The following GRIP1 variants were observed in gnomAD, a reference collection of about 807,000 sequenced individuals.
GRIP1 encodes the protein glutamate receptor interacting protein 1, also known as glutamate receptor-interacting protein 1.
In GRIP1, 45 loss-of-function variants were observed where a neutral mutation model predicts 129.9. The observed-to-expected ratio is 0.35, with a 90% CI of 0.27 to 0.44. The LOEUF (loss-of-function observed/expected upper bound fraction) is 0.44. GRIP1 is among the 20% of genes least tolerant of loss of function. The pLI is 1.00. For missense variants in GRIP1, 1,196 were observed against 1,396.8 expected (o/e 0.86, Z 2.29); for synonymous variants, 530 against 520.8 (o/e 1.02, Z -0.24).
At chr12:66,644,839 T>C in intron 1 of GRIP1, among the ~76,000 whole-genome samples, 1 of 152,228 alleles carries the variant, frequency 6.6e-6, no homozygotes, top group Middle Eastern at 3.2e-3. Context: ...CTATGGTAAA[T>C]GTTTTCATAA....
chr12:66,830,831 A>ATTTTTTTTTT (rs113993317), intron 1 of GRIP1, among the ~76,000 whole-genome samples: 1 of 139,024 alleles, frequency 7.2e-6, no homozygotes, highest in Non-Finnish European at 1.5e-5. Context: ...TGGTATCTGA[A>ATTTTTTTTTT]TTTTTTTTTT....
In GRIP1 at chr12:66,462,816, A is replaced by G. The variant is rs921124210; in HGVS notation, c.1042+108T>C. 4.5e-6 allele frequency: 3 copies of G among 661,528 alleles called. No individual in the cohort carries two copies. The African/African-American group carries it at 5.5e-5, about 12-fold the overall frequency. 41.0% of individuals were successfully genotyped at this position (661,528 alleles called of 1,614,324 possible). ...GACTCCATCTCAAAAAAAAAAAAAA[A>G]AAAAAAAGGCAGAATGAGACCCAGT... On this transcript the variant is annotated intron_variant, in intron 9 of 24. Coordinates refer to ENST00000359742, the MANE Select transcript of GRIP1 (RefSeq NM_001366722.1).
chr12:66,752,132 T>C (rs1398500191), intron 1 of GRIP1, among the ~76,000 whole-genome samples: 1 of 152,182 alleles, frequency 6.6e-6, no homozygotes, highest in Non-Finnish European at 1.5e-5. Context: ...TATGAAACGA[T>C]ATATTTATAA....
Position 67,069,148 on chromosome 12 carries a change from C to G in GRIP1, c.-41G>C, listed in dbSNP as rs933106052. The G allele has an allele frequency of 1.0e-5, 10 of 981,460 alleles. No homozygotes were observed. The African/African-American group carries it at 1.8e-4, about 17-fold the overall frequency. The allele number at this position is 981,460 out of a possible 1,614,324, so 60.8% of individuals were successfully genotyped here. A position where few individuals can be genotyped will look rare whatever the true frequency, so the allele number is the denominator to read the frequency against. On this transcript the variant is annotated 5_prime_UTR_variant, in exon 1 of 2. Transcript: ENST00000643019. ...GCTCGCTGTCGGGCTCGCTCTTTCTCGCTGGCTCTCTTTCTCCGGGGCTCT... is the reference window on the plus strand; with the variant it reads ...GCTCGCTGTCGGGCTCGCTCTTTCTGGCTGGCTCTCTTTCTCCGGGGCTCT...
At chr12:66,678,059 A>C (rs1188703451) in intron 1 of GRIP1, among the ~76,000 whole-genome samples, 1 of 152,178 alleles carries the variant, frequency 6.6e-6, no homozygotes, top group Non-Finnish European at 1.5e-5. Flanking sequence ...GAGAGCTCAC[A>C]TATCTATATG....
chr12:66,531,252 A>AAAATAT (rs1565833708), intron 4 of GRIP1, among the ~76,000 whole-genome samples: 11 of 19,452 alleles, frequency 5.7e-4, no homozygotes, highest in Non-Finnish European at 7.5e-4. Context: ...AAAAAAAAAA[A>AAAATAT]ATATATATAT....
At chr12:66,965,298 G>C (rs955837004) in intron 1 of GRIP1, among the ~76,000 whole-genome samples, 3 of 152,084 alleles carry the variant, frequency 2.0e-5, no homozygotes, top group Non-Finnish European at 1.5e-5. Flanking sequence ...GGACTAAAGA[G>C]ATGAAATCTA....
At chr12:66,970,631 C>T (rs1252059623) in intron 1 of GRIP1, among the ~76,000 whole-genome samples, 1 of 145,838 alleles carries the variant, frequency 6.9e-6, no homozygotes, top group African/African-American at 2.5e-5. Context: ...CTGCATCTTG[C>T]AGCTCTTTCA....
chr12:66,866,642 G>A (rs1369433438), intron 1 of GRIP1, among the ~76,000 whole-genome samples: 2 of 152,134 alleles, frequency 1.3e-5, no homozygotes, highest in African/African-American at 4.8e-5. Flanking sequence ...TAACTCAAAG[G>A]ATAAATGCTT....
intron 24 of GRIP1, among the ~76,000 whole-genome samples, chr12:66,353,092 C>T (rs1382202233): frequency 2.0e-5 from 3 of 152,030 alleles, no homozygotes; most frequent in Admixed American, 6.6e-5. Context: ...TGCCTGGAGT[C>T]GGATAACTAC....
chr12:66,785,498 C>G (rs752134), intron 1 of GRIP1, among the ~76,000 whole-genome samples: 2 of 151,174 alleles, frequency 1.3e-5, no homozygotes, highest in African/African-American at 4.9e-5. Context: ...GGCAACACAG[C>G]AAGACCCTGT....
intron 1 of GRIP1, among the ~76,000 whole-genome samples, chr12:67,050,961 G>C (rs2043335704): frequency 6.6e-6 from 1 of 152,180 alleles, no homozygotes; most frequent in Non-Finnish European, 1.5e-5. Flanking sequence ...TCAGGACCTA[G>C]TAAAAAGCTA....
At chr12:66,882,257 C>T (rs1370764890) in intron 1 of GRIP1, among the ~76,000 whole-genome samples, 1 of 150,302 alleles carries the variant, frequency 6.7e-6, no homozygotes, top group African/African-American at 2.4e-5. Context: ...CACGATGTTA[C>T]AGCATCTGAG....
At chr12:66,936,635 G>A (rs1379371180) in intron 1 of GRIP1, among the ~76,000 whole-genome samples, 1 of 152,128 alleles carries the variant, frequency 6.6e-6, no homozygotes, top group Non-Finnish European at 1.5e-5. Context: ...CGAATTTGTA[G>A]TTGGTCAGAA....
At chr12:66,818,151 T>A (rs1000705653) in intron 1 of GRIP1, among the ~76,000 whole-genome samples, 1 of 152,236 alleles carries the variant, frequency 6.6e-6, no homozygotes, top group Non-Finnish European at 1.5e-5. Flanking sequence ...GAATATATCT[T>A]GACACATCAT....
intron 9 of GRIP1, among the ~76,000 whole-genome samples, chr12:66,458,906 G>A (rs994713398): frequency 2.6e-5 from 4 of 152,174 alleles, no homozygotes; most frequent in African/African-American, 7.2e-5. Context: ...GGTCTCACCC[G>A]AGGTGCCACC....
chr12:66,692,184 T>C (rs970985156), intron 1 of GRIP1, among the ~76,000 whole-genome samples: 1 of 152,204 alleles, frequency 6.6e-6, no homozygotes, highest in Non-Finnish European at 1.5e-5. Flanking sequence ...CATGCTCCCA[T>C]GTCATAATCT....
chr12:66,762,299 A>G (rs902464157), intron 1 of GRIP1, among the ~76,000 whole-genome samples: 1 of 152,148 alleles, frequency 6.6e-6, no homozygotes, highest in Non-Finnish European at 1.5e-5. Flanking sequence ...GGCCCCAAGG[A>G]AGACTCCTAC....
At chr12:66,964,705 T>C (rs1664086233) in intron 1 of GRIP1, among the ~76,000 whole-genome samples, 1 of 152,170 alleles carries the variant, frequency 6.6e-6, no homozygotes. Context: ...GATTATGTGA[T>C]AGGTATTTGT....
Sources: allele counts gnomAD v4.1 joint callset (sites outside exome capture counted in the v4.1 genomes callset), GRCh38; gene constraint gnomAD v4.1.1; transcripts MANE v1.5; gene names NCBI Gene and HGNC (gene_info 2026-07-23, HGNC 2026-07-21).